Variants in MYBPC1 observed in about 807,000 individuals in gnomAD.
MYBPC1 encodes the protein myosin binding protein C1.
Under a neutral mutation model 147.1 loss-of-function variants are expected in MYBPC1, and 52 were observed. The ratio of observed to expected loss-of-function variants is 0.35; its 90% CI spans 0.28 to 0.45. The LOEUF (loss-of-function observed/expected upper bound fraction) is 0.45. MYBPC1 is among the 20% of genes least tolerant of loss of function. The pLI is 1.00. For missense variants in MYBPC1, 1,228 were observed against 1,440.3 expected, an observed-to-expected ratio of 0.85 and a Z score of 2.39; for synonymous variants, 477 against 475.9, an observed-to-expected ratio of 1.00 and a Z score of -0.03.
intron 29 of MYBPC1, among the ~76,000 whole-genome samples, chr12:101,680,760 C>G (rs912116105): frequency 6.6e-6 from 1 of 152,056 alleles, no homozygotes; most frequent in African/African-American, 2.4e-5. Flanking sequence ...TTTAAGTCAA[C>G]TTATTTTTAT....
At chr12:101,618,450 G>T (rs1886631878) in intron 3 of MYBPC1, among the ~76,000 whole-genome samples, 1 of 152,150 alleles carries the variant, frequency 6.6e-6, no homozygotes, top group African/African-American at 2.4e-5. Flanking sequence ...AAGGAGGTTT[G>T]GGCATCCTGG....
intron 22 of MYBPC1, chr12:101,666,205 C>A: frequency 6.1e-6 from 1 of 164,694 alleles, no homozygotes; most frequent in Non-Finnish European, 1.4e-5. Flanking sequence ...CAATTCTATT[C>A]AGAACTTGGA....
Position 101,636,734 on chromosome 12 carries a change from A to C in MYBPC1, c.665+6A>C. The C allele has an allele frequency of 6.2e-7, 1 of 1,612,796 alleles. No individual in the cohort carries two copies. Among genetic ancestry groups the C allele is most frequent in the East Asian group, 2.2e-5 (1 of 44,852 alleles). ...AGTGGTCTCCTGAAACGTAGGTGAG[A>C]ACAAAGTGATGGAGTGAGACATTGT... is the stretch of plus-strand genomic sequence containing the variant. On this transcript the variant is annotated splice_donor_region_variant and intron_variant, in intron 10 of 31. Transcript: ENST00000361466.
intron 17 of MYBPC1, 28 bp from the exon 18 acceptor site, chr12:101,653,087 A>T: frequency 6.2e-7 from 1 of 1,602,036 alleles, no homozygotes; most frequent in Non-Finnish European, 8.5e-7. Context: ...TGACTGTCTG[A>T]TAACAAAGAC....
At chr12:101,642,111 A>C (rs1892176490) in intron 10 of MYBPC1, among the ~76,000 whole-genome samples, 2 of 152,330 alleles carry the variant, frequency 1.3e-5, no homozygotes, top group South Asian at 4.1e-4. Flanking sequence ...TTAGACTTTA[A>C]ATTTGAAAAT....
rs825051 is a variant in MYBPC1, at chr12:101,649,487, C to T, written c.1363+61C>T. On this transcript the variant is annotated intron_variant, in intron 15 of 31. Transcript: ENST00000361466. ...CTTATTAATGATGGTTGTGTTAATTCGGTTTCAGAAAAGTTTCTATTTGAT... is the reference window on the plus strand; with the variant it reads ...CTTATTAATGATGGTTGTGTTAATTTGGTTTCAGAAAAGTTTCTATTTGAT... 91,299 of 1,577,292 alleles carry T rather than the reference C, an allele frequency of 0.058. 3,353 individuals carry two copies. Among genetic ancestry groups the T allele is most frequent in the African/African-American group, 0.18 (13,219 of 73,714 alleles).
downstream of MYBPC1, among the ~76,000 whole-genome samples, chr12:101,688,178 T>TA (rs1366354134): frequency 6.6e-6 from 1 of 152,180 alleles, no homozygotes; most frequent in Non-Finnish European, 1.5e-5. Flanking sequence ...CCAGCACTTT[T>TA]AGAGGCCGAG....
chr12:101,641,115 G>GAAAA (rs34380289), intron 10 of MYBPC1, among the ~76,000 whole-genome samples: 18 of 105,922 alleles, frequency 1.7e-4, no homozygotes, highest in East Asian at 2.6e-4. Context: ...CTGTCTCAAA[G>GAAAA]AAAAAAAAAA....
intron 20 of MYBPC1, among the ~76,000 whole-genome samples, chr12:101,661,896 C>CAAA (rs66873575): frequency 0.033 from 2,699 of 83,016 alleles, 122 homozygotes; most frequent in East Asian, 0.19. Flanking sequence ...GACTCTGTCT[C>CAAA]AAAAAAAAAA....
chr12:101,642,947 G>A (rs1159946538), intron 11 of MYBPC1, among the ~76,000 whole-genome samples: 1 of 152,130 alleles, frequency 6.6e-6, no homozygotes, highest in African/African-American at 2.4e-5. Context: ...ATGGCGTGTG[G>A]AGAGTTCACT....
At chr12:101,646,655 T>C (rs1893218567) in intron 12 of MYBPC1, 108 bp from the exon 13 acceptor site, 3 of 1,293,782 alleles carry the variant, frequency 2.3e-6, no homozygotes, top group Non-Finnish European at 3.3e-6. Flanking sequence ...AAACAACAGA[T>C]CCTTGACTTT....
intron 30 of MYBPC1, among the ~76,000 whole-genome samples, chr12:101,683,054 T>C (rs1249968140): frequency 6.6e-6 from 1 of 152,236 alleles, no homozygotes; most frequent in African/African-American, 2.4e-5. Context: ...ACATTCATGA[T>C]GCAATTCAGA....
chr12:101,627,995 C>A (rs369096843), intron 5 of MYBPC1, 191 bp downstream of exon 5: 3 of 638,652 alleles, frequency 4.7e-6, no homozygotes, highest in Admixed American at 5.1e-5. Flanking sequence ...ATGATACACA[C>A]GCATTCAAGG....
intron 5 of MYBPC1, 68 bp downstream of exon 5, chr12:101,627,872 G>C: frequency 1.3e-6 from 2 of 1,493,304 alleles, no homozygotes; most frequent in Non-Finnish European, 1.9e-6. Context: ...CTCATTTCTT[G>C]AAGCTGTATT....
In MYBPC1 at chr12:101,680,569, G is replaced by GA. The variant is rs1950873120; in HGVS notation, c.3433+44dup. 3.1e-6 allele frequency: 5 copies of GA among 1,599,934 alleles called. No individual in the cohort carries two copies. In the East Asian group the frequency reaches 1.1e-4, roughly 36 times the overall value. On this transcript the variant is annotated intron_variant, in intron 29 of 31. Transcript: ENST00000361466. ...ATCTCACGTATAGACTAAAGTTAAA[G>GA]AAAATCATTGAATTATTGTTCTTAA... is the stretch of plus-strand genomic sequence containing the variant.
At chr12:101,679,912 G>A (rs924912855) in intron 28 of MYBPC1, among the ~76,000 whole-genome samples, 1 of 152,158 alleles carries the variant, frequency 6.6e-6, no homozygotes, top group Admixed American at 6.5e-5. Context: ...GCAAATAAAG[G>A]TCATATACAT....
chr12:101,654,487 A>G (rs1419103616), intron 18 of MYBPC1, among the ~76,000 whole-genome samples: 1 of 152,122 alleles, frequency 6.6e-6, no homozygotes, highest in East Asian at 1.9e-4. Context: ...AGGAAGAAAA[A>G]CCTGGACAGA....
At chr12:101,599,508 G>A (rs1795683291) in intron 1 of MYBPC1, among the ~76,000 whole-genome samples, 1 of 152,200 alleles carries the variant, frequency 6.6e-6, no homozygotes, top group African/African-American at 2.4e-5. Flanking sequence ...GACCTCCCTT[G>A]ATGGGAAAAC....
At chr12:101,621,392 G>A (rs1001379507) in intron 3 of MYBPC1, among the ~76,000 whole-genome samples, 1 of 152,166 alleles carries the variant, frequency 6.6e-6, no homozygotes, top group Non-Finnish European at 1.5e-5. Context: ...AAGCATCAAA[G>A]TGTGAAGGCA....
Sources: allele counts gnomAD v4.1 joint callset (sites outside exome capture counted in the v4.1 genomes callset), GRCh38; gene constraint gnomAD v4.1.1; transcripts MANE v1.5; gene names NCBI Gene and HGNC (gene_info 2026-07-23, HGNC 2026-07-21).